The following EYA2 variants were observed in gnomAD, a reference collection of about 807,000 sequenced individuals.
The protein encoded by EYA2 is EYA transcriptional coactivator and phosphatase 2, also known as protein phosphatase EYA2.
Under a neutral mutation model 69.2 loss-of-function variants are expected in EYA2, and 31 were observed. The ratio of observed to expected loss-of-function variants is 0.45; its 90% CI spans 0.34 to 0.60. The LOEUF (loss-of-function observed/expected upper bound fraction) is 0.60. Ranked by LOEUF, EYA2 falls within the 20% of genes least tolerant of loss-of-function variation. The pLI is 0.02. For missense variants in EYA2, 622 were observed against 701.2 expected, an observed-to-expected ratio of 0.89 and a Z score of 1.28; for synonymous variants, 257 against 279.4, an observed-to-expected ratio of 0.92 and a Z score of 0.80.
chr20:47,162,371 C>A (rs1298255448), intron 10 of EYA2, among the ~76,000 whole-genome samples: 2 of 152,110 alleles, frequency 1.3e-5, no homozygotes, highest in Admixed American at 6.6e-5. Flanking sequence ...GGCCATAGTC[C>A]CTGGCACATT....
chr20:46,909,912 T>A (rs1367615706), intron 1 of EYA2, among the ~76,000 whole-genome samples: 2 of 145,446 alleles, frequency 1.4e-5, no homozygotes. Flanking sequence ...TTTACTTTTC[T>A]CCTCAAACAT....
chr20:47,093,661 C>A (rs1040374425), intron 8 of EYA2, among the ~76,000 whole-genome samples: 6 of 152,258 alleles, frequency 3.9e-5, no homozygotes, highest in Non-Finnish European at 7.3e-5. Flanking sequence ...CATTCCCTCT[C>A]TGGGCACCAG....
At chr20:46,914,725 G>C (rs549470722) in intron 1 of EYA2, among the ~76,000 whole-genome samples, 2 of 152,186 alleles carry the variant, frequency 1.3e-5, no homozygotes, top group Admixed American at 6.5e-5. Flanking sequence ...TATAATTCAA[G>C]ATGAGATTTG....
At chr20:47,155,010 C>T (rs995613138) in intron 10 of EYA2, among the ~76,000 whole-genome samples, 3 of 151,634 alleles carry the variant, frequency 2.0e-5, no homozygotes, top group Non-Finnish European at 4.4e-5. Context: ...CTAAAGCCAC[C>T]ACACCTGGCT....
chr20:46,987,835 G>T (rs1043644804), intron 1 of EYA2, among the ~76,000 whole-genome samples: 1 of 150,120 alleles, frequency 6.7e-6, no homozygotes, highest in African/African-American at 2.4e-5. Flanking sequence ...GCTGAGGTAG[G>T]AGAATCACTT....
chr20:46,988,788 A>G (rs1435995513), intron 1 of EYA2, among the ~76,000 whole-genome samples: 1 of 152,192 alleles, frequency 6.6e-6, no homozygotes, highest in African/African-American at 2.4e-5. Flanking sequence ...TGCACCTTCC[A>G]TCTACCCTGG....
At chr20:47,182,601 C>G (rs1447630472) in intron 14 of EYA2, among the ~76,000 whole-genome samples, 1 of 127,402 alleles carries the variant, frequency 7.8e-6, no homozygotes, top group Non-Finnish European at 1.5e-5. Context: ...TGCACTCCAG[C>G]CTGGGCAACA....
At chr20:47,123,269 C>G (rs1287540793) in intron 9 of EYA2, among the ~76,000 whole-genome samples, 2 of 152,004 alleles carry the variant, frequency 1.3e-5, no homozygotes, top group Non-Finnish European at 2.9e-5. Flanking sequence ...AACATATCCA[C>G]CATCGCAAAC....
At chr20:47,004,278 A>T (rs921322599) in intron 3 of EYA2, among the ~76,000 whole-genome samples, 1 of 152,194 alleles carries the variant, frequency 6.6e-6, no homozygotes, top group Non-Finnish European at 1.5e-5. Context: ...AATATGGAGG[A>T]TTTAAATTCC....
At chr20:47,173,122 G>T (rs753646385) in intron 12 of EYA2, among the ~76,000 whole-genome samples, 2 of 152,118 alleles carry the variant, frequency 1.3e-5, no homozygotes, top group Non-Finnish European at 2.9e-5. Flanking sequence ...CGGGGTGGAC[G>T]TGGGGGCGGA....
intron 1 of EYA2, among the ~76,000 whole-genome samples, chr20:46,962,015 T>TTTTC (rs1302716725): frequency 6.6e-6 from 1 of 152,042 alleles, no homozygotes; most frequent in African/African-American, 2.4e-5. Flanking sequence ...GAAAAGCAGA[T>TTTTC]TTTCTTTCTT....
At chr20:47,160,790 T>G (rs2034049878) in intron 10 of EYA2, 1 of 156,006 alleles carries the variant, frequency 6.4e-6, no homozygotes, top group South Asian at 1.9e-4. Flanking sequence ...CTCCCCTCTC[T>G]TTTTTTTTTT....
chr20:47,112,373 A>G (rs2032770170), intron 9 of EYA2, among the ~76,000 whole-genome samples: 1 of 152,208 alleles, frequency 6.6e-6, no homozygotes, highest in Non-Finnish European at 1.5e-5. Flanking sequence ...CAAAGGGGGC[A>G]TGAGAGGGTG....
intron 7 of EYA2, among the ~76,000 whole-genome samples, chr20:47,084,319 T>C (rs2031824390): frequency 6.6e-6 from 1 of 152,088 alleles, no homozygotes. Context: ...GGACGGCAGA[T>C]TGCTTGAGCC....
At chr20:47,144,352 C>CAA (rs11304780) in intron 10 of EYA2, among the ~76,000 whole-genome samples, 3 of 116,420 alleles carry the variant, frequency 2.6e-5, no homozygotes, top group African/African-American at 6.1e-5. Flanking sequence ...AAGACACCAT[C>CAA]AAAAAAAAAA....
chr20:47,060,451 C>G (rs2030827165), intron 5 of EYA2, among the ~76,000 whole-genome samples: 1 of 152,156 alleles, frequency 6.6e-6, no homozygotes, highest in South Asian at 2.1e-4. Context: ...CCCAGAAGCC[C>G]CCTTGGCCAA....
At chr20:46,979,279 C>G (rs1381015689) in intron 1 of EYA2, among the ~76,000 whole-genome samples, 1 of 152,172 alleles carries the variant, frequency 6.6e-6, no homozygotes, top group Non-Finnish European at 1.5e-5. Flanking sequence ...TCTCGGGCTC[C>G]CCCACTTCTT....
intron 10 of EYA2, among the ~76,000 whole-genome samples, chr20:47,150,706 ATCC>A (rs1463506303): frequency 6.6e-6 from 1 of 151,954 alleles, no homozygotes; most frequent in Non-Finnish European, 1.5e-5. Flanking sequence ...GTCTCAAGGA[ATCC>A]TCCTGCCTTG....
intron 12 of EYA2, among the ~76,000 whole-genome samples, chr20:47,174,710 A>C (rs1453888675): frequency 1.3e-5 from 2 of 152,240 alleles, no homozygotes; most frequent in Non-Finnish European, 2.9e-5. Context: ...CACTCTTCAC[A>C]GCATGCCTGT....
Sources: allele counts gnomAD v4.1 joint callset (sites outside exome capture counted in the v4.1 genomes callset), GRCh38; gene constraint gnomAD v4.1.1; transcripts MANE v1.5; gene names NCBI Gene and HGNC (gene_info 2026-07-23, HGNC 2026-07-21).